NPHP4: variants seen among roughly 807,000 people sequenced by gnomAD.
NPHP4 encodes nephrocystin 4, also known as nephrocystin-4.
Under a neutral mutation model 155.8 loss-of-function variants are expected in NPHP4, and 151 were observed. The observed-to-expected ratio is 0.97, with a 90% CI of 0.85 to 1.11. NPHP4 has a LOEUF of 1.11. Ranked by LOEUF, NPHP4 falls within the 50% of genes least tolerant of loss-of-function variation. The pLI, the probability that NPHP4 is intolerant of heterozygous loss-of-function variation, is 0.00. For missense variants in NPHP4, 1,956 were observed against 1,925.7 expected (o/e 1.02, Z -0.29); for synonymous variants, 845 against 816.8 (o/e 1.03, Z -0.59).
intron 9 of NPHP4, among the ~76,000 whole-genome samples, chr1:5,939,053 C>G (rs1447881232): frequency 6.6e-6 from 1 of 151,918 alleles, no homozygotes. Context: ...TCGAGCAATG[C>G]AAAAATAATA....
intron 3 of NPHP4, among the ~76,000 whole-genome samples, chr1:5,969,552 TCCA>T: frequency 6.6e-6 from 1 of 152,190 alleles, no homozygotes; most frequent in South Asian, 2.1e-4. Flanking sequence ...CCCTAGGAAT[TCCA>T]CCACAAGAAA....
In NPHP4 at chr1:5,867,945, C is replaced by A; in HGVS notation, c.3316-49G>T. The A allele has an allele frequency of 6.2e-7, 1 of 1,603,410 alleles. No homozygotes were observed. The highest frequency in any genetic ancestry group is 2.2e-5 in the East Asian group (1 of 44,816). ...TTGGGATGGGCACGAGGCTTGTGAGCAGCTTCTTGTCCCTCCTTAGACAGC... is the reference window on the plus strand; with the variant it reads ...TTGGGATGGGCACGAGGCTTGTGAGAAGCTTCTTGTCCCTCCTTAGACAGC... On this transcript the variant is annotated intron_variant, in intron 23 of 29. Coordinates refer to ENST00000378156, the MANE Select transcript of NPHP4 (RefSeq NM_015102.5). The surrounding 1 kb of genome is among the most constrained non-coding windows in gnomAD (Gnocchi z 4.1).
At chr1:5,958,066 G>C (rs1243541382) in intron 6 of NPHP4, among the ~76,000 whole-genome samples, 1 of 152,262 alleles carries the variant, frequency 6.6e-6, no homozygotes, top group African/African-American at 2.4e-5. Context: ...TACGTAAAAA[G>C]TATACACCAA....
chr1:5,884,365 T>C (rs574708223), intron 18 of NPHP4, among the ~76,000 whole-genome samples: 13 of 152,292 alleles, frequency 8.5e-5, no homozygotes, highest in African/African-American at 3.1e-4. Context: ...TGTGGGGCCA[T>C]CTGTCCTGAC....
At position 5,887,465 on chromosome 1, in the gene NPHP4, T is replaced by TGCTG; in HGVS notation, c.2305-3_2305dup (p.His769ProfsTer18). Reference sequence around the variant, plus strand: ...AGCCGGCCGGCCTTGGCGGAGGAGATGCTGCAGAAGAGAAAAGCGCGTTCA... The same window carrying TGCTG: ...AGCCGGCCGGCCTTGGCGGAGGAGATGCTGGCTGCAGAAGAGAAAAGCGCGTTCA... On this transcript the variant is annotated frameshift_variant and splice_region_variant, in exon 18 of 30. Coordinates refer to ENST00000378156, the MANE Select transcript of NPHP4 (RefSeq NM_015102.5). LOFTEE classifies it high-confidence loss of function. 1.2e-6 allele frequency: 2 copies of TGCTG among 1,612,914 alleles called. No homozygotes were observed. The highest frequency in any genetic ancestry group is 1.7e-6 in the Non-Finnish European group (2 of 1,179,834).
At position 5,863,398 on chromosome 1, in the gene NPHP4, C is replaced by T. The variant is rs761879974; in HGVS notation, c.4148G>A (p.Gly1383Asp). 3 of 1,602,512 alleles carry T rather than the reference C, an allele frequency of 1.9e-6. No homozygotes were observed. The highest frequency in any genetic ancestry group is 2.6e-6 in the Non-Finnish European group (3 of 1,173,290). Residue 1383 changes from glycine to aspartate, a missense_variant, in exon 30 of 30, where the codon GGT (glycine) becomes GAT (aspartate). Physicochemically the swap from Gly to Asp is moderately conservative, Grantham distance 94. Coordinates refer to ENST00000378156, the MANE Select transcript of NPHP4 (RefSeq NM_015102.5). ...CAAGCCGATGGTGTAGGTCTCTCCA[C>T]CCCCGACCTGGAAATAAGCATCCAA... ...RFREDSFQVG[G>D]GETYTIGLQF...
intron 11 of NPHP4, among the ~76,000 whole-genome samples, chr1:5,914,807 C>T (rs1645377898): frequency 6.6e-6 from 1 of 152,182 alleles, no homozygotes; most frequent in South Asian, 2.1e-4. Flanking sequence ...CATCAGGACA[C>T]ATGCATGGAG....
At chr1:5,972,824 T>C (rs1275031942) in intron 3 of NPHP4, among the ~76,000 whole-genome samples, 1 of 152,188 alleles carries the variant, frequency 6.6e-6, no homozygotes, top group Non-Finnish European at 1.5e-5. Context: ...ATCTGTGAGA[T>C]TACGGTGCAC....
intron 2 of NPHP4, among the ~76,000 whole-genome samples, chr1:5,984,114 C>A (rs145689272): frequency 1.3e-5 from 2 of 152,272 alleles, no homozygotes; most frequent in East Asian, 3.9e-4. Context: ...TCATCAATCA[C>A]GGCCTCACTC....
intron 3 of NPHP4, among the ~76,000 whole-genome samples, chr1:5,972,200 T>C (rs1275553047): frequency 6.6e-6 from 1 of 152,228 alleles, no homozygotes; most frequent in Non-Finnish European, 1.5e-5. Context: ...AATGAGTCCC[T>C]TCCAAAGAAC....
chr1:5,970,785 G>A (rs766441864), intron 3 of NPHP4, among the ~76,000 whole-genome samples: 29 of 152,174 alleles, frequency 1.9e-4, no homozygotes, highest in African/African-American at 3.9e-4. Flanking sequence ...TGGTGTCACC[G>A]AGAAAACGTT....
At chr1:5,970,503 A>T (rs1177226497) in intron 3 of NPHP4, among the ~76,000 whole-genome samples, 1 of 152,150 alleles carries the variant, frequency 6.6e-6, no homozygotes, top group Admixed American at 6.5e-5. Flanking sequence ...ACTTTGTCTA[A>T]TAAAAAGAAA....
chr1:5,975,492 T>C (rs1252238178), intron 3 of NPHP4, among the ~76,000 whole-genome samples: 3 of 152,180 alleles, frequency 2.0e-5, no homozygotes, highest in Non-Finnish European at 4.4e-5. Context: ...TCTTCAGCGA[T>C]TCCAAGTCCA....
intron 22 of NPHP4, 54 bp downstream of exon 22, chr1:5,874,417 A>G (rs1642335013): frequency 1.4e-6 from 2 of 1,441,544 alleles, no homozygotes; most frequent in African/African-American, 1.4e-5. Context: ...AGCATTCTCA[A>G]TTTCCCACCG....
At chr1:5,955,726 G>A (rs1388356858) in intron 6 of NPHP4, among the ~76,000 whole-genome samples, 1 of 152,262 alleles carries the variant, frequency 6.6e-6, no homozygotes, top group Non-Finnish European at 1.5e-5. Flanking sequence ...GCACAGAACA[G>A]TGGTTATCAG....
At chr1:5,874,388 G>T in intron 22 of NPHP4, 83 bp downstream of exon 22, 1 of 1,291,448 alleles carries the variant, frequency 7.7e-7, no homozygotes, top group Non-Finnish European at 1.0e-6. Context: ...GTAAGGGAGG[G>T]ACACTGGTGG....
intron 23 of NPHP4, chr1:5,868,140 A>C (rs1641462297): frequency 1.6e-6 from 1 of 643,292 alleles, no homozygotes; most frequent in African/African-American, 1.8e-5. Flanking sequence ...AAGCAGCCAC[A>C]CTGCCATTAT....
intron 7 of NPHP4, 126 bp from the exon 8 acceptor site, chr1:5,948,377 T>C (rs1647248704): frequency 3.0e-6 from 2 of 676,654 alleles, no homozygotes; most frequent in Non-Finnish European, 4.9e-6. Context: ...GCAGATCAGA[T>C]GATGCTTAGT....
At chr1:5,877,361 C>CTGCA in intron 19 of NPHP4, 63 bp from the exon 20 acceptor site, 3 of 1,396,212 alleles carry the variant, frequency 2.1e-6, no homozygotes, top group East Asian at 2.5e-5. Context: ...GGAGCAGACA[C>CTGCA]CAGGGCAGGC....
Sources: gnomAD v4.1 joint callset for allele counts (sites outside exome capture counted in the v4.1 genomes callset) on GRCh38, gnomAD v4.1.1 for gene constraint, Gnocchi (gnomAD v3.1) non-coding constraint, MANE v1.5 for transcripts, NCBI Gene and HGNC (gene_info 2026-07-23, HGNC 2026-07-21) for gene names.